Variants in ANO4 observed in about 807,000 individuals in gnomAD.
ANO4 encodes the protein anoctamin-4.
Under a neutral mutation model 141.9 loss-of-function variants are expected in ANO4, and 69 were observed. That is an observed-to-expected ratio of 0.49 (90% CI 0.40 to 0.59). ANO4 has a LOEUF of 0.59. Among genes scored for constraint, ANO4 ranks in the 20% least tolerant of loss-of-function variants. ANO4 has a pLI of 0.00. For synonymous variants in ANO4, 350 were observed against 394.3 expected (o/e 0.89, Z 1.33); for missense variants, 894 against 1,162.2 (o/e 0.77, Z 3.36).
intron 5 of ANO4, among the ~76,000 whole-genome samples, chr12:100,967,710 A>G (rs1474645264): frequency 1.3e-5 from 2 of 152,176 alleles, no homozygotes; most frequent in East Asian, 1.9e-4. Flanking sequence ...ATCACAGTTC[A>G]TTAGTAACTT....
At position 101,086,644 on chromosome 12, in the gene ANO4, C is replaced by T. The variant is rs1593233617; in HGVS notation, c.1537-16C>T. On this transcript the variant is annotated splice_polypyrimidine_tract_variant and intron_variant, in intron 16 of 27. Transcript: ENST00000392977. Reference sequence around the variant, plus strand: ...TTCCACCAAGAGGTTCACCGGGTGTCTTGTCTTCCTGCCAGATCTGCGTGG... The same window carrying T: ...TTCCACCAAGAGGTTCACCGGGTGTTTTGTCTTCCTGCCAGATCTGCGTGG... The T allele has an allele frequency of 6.2e-7, 1 of 1,612,932 alleles. No homozygotes were observed. The highest frequency in any genetic ancestry group is 2.2e-5 in the East Asian group (1 of 44,860).
intron 1 of ANO4, among the ~76,000 whole-genome samples, chr12:100,811,865 A>G (rs528268062): frequency 6.6e-6 from 1 of 152,270 alleles, no homozygotes; most frequent in South Asian, 2.1e-4. Context: ...GACTCCCCTA[A>G]ACCATGGTAG....
intron 1 of ANO4, among the ~76,000 whole-genome samples, chr12:100,823,041 T>C (rs1565907436): frequency 1.3e-5 from 2 of 152,008 alleles, no homozygotes; most frequent in Non-Finnish European, 2.9e-5. Context: ...AAGTGTGTAT[T>C]TCTGAAAAAA....
intron 3 of ANO4, among the ~76,000 whole-genome samples, chr12:100,745,827 A>G (rs2032075938): frequency 6.6e-6 from 1 of 152,256 alleles, no homozygotes; most frequent in African/African-American, 2.4e-5. Flanking sequence ...ATGAGTGCCA[A>G]GTAGAATAAA....
Position 101,097,803 on chromosome 12 carries a change from T to G in ANO4, c.1909-45T>G, listed in dbSNP as rs763063702. On this transcript the variant is annotated intron_variant, in intron 20 of 27. Transcript: ENST00000392977. ...AGATTATAAACCAGACACCCTTTCTTCCTCTCCATTGATTCTGGAATTTCT... is the reference window on the plus strand; with the variant it reads ...AGATTATAAACCAGACACCCTTTCTGCCTCTCCATTGATTCTGGAATTTCT... The G allele has an allele frequency of 3.7e-6, 6 of 1,607,278 alleles. No individual in the cohort carries two copies. The Admixed American group carries it at 5.0e-5, about 13-fold the overall frequency.
chr12:100,915,228 T>C (rs1451085646), intron 2 of ANO4, among the ~76,000 whole-genome samples: 1 of 152,182 alleles, frequency 6.6e-6, no homozygotes, highest in Non-Finnish European at 1.5e-5. Flanking sequence ...ATGGGTTCTT[T>C]GGTGCCTCTT....
At chr12:100,887,853 C>G (rs963289878) in intron 1 of ANO4, among the ~76,000 whole-genome samples, 2 of 152,102 alleles carry the variant, frequency 1.3e-5, no homozygotes, top group Non-Finnish European at 2.9e-5. Context: ...GGAGAATTTC[C>G]TGTTGTGATG....
At chr12:100,731,731 A>G (rs75154074) in intron 1 of ANO4, among the ~76,000 whole-genome samples, 8,000 of 152,290 alleles carry the variant, frequency 0.053, 277 homozygotes, top group Middle Eastern at 0.082. Context: ...AATGTCACAT[A>G]GTTGGAATCA....
intron 1 of ANO4, among the ~76,000 whole-genome samples, chr12:100,837,332 T>C (rs1011705026): frequency 6.6e-6 from 1 of 152,170 alleles, no homozygotes; most frequent in Non-Finnish European, 1.5e-5. Context: ...GAAACCAAGA[T>C]GCAGAGGCTT....
chr12:100,805,833 T>C (rs575574543), intron 1 of ANO4, among the ~76,000 whole-genome samples: 15 of 152,344 alleles, frequency 9.8e-5, no homozygotes, highest in Admixed American at 8.5e-4. Context: ...TGGAATTTAC[T>C]TAGATTTTAA....
At chr12:100,919,342 C>A (rs962341354) in intron 2 of ANO4, among the ~76,000 whole-genome samples, 1 of 152,136 alleles carries the variant, frequency 6.6e-6, no homozygotes, top group African/African-American at 2.4e-5. Flanking sequence ...ACTTTCATTC[C>A]TGCAAGCTCC....
intron 6 of ANO4, among the ~76,000 whole-genome samples, chr12:100,974,354 A>G (rs1264481586): frequency 6.6e-6 from 1 of 151,764 alleles, no homozygotes; most frequent in Non-Finnish European, 1.5e-5. Flanking sequence ...TGAAATACAT[A>G]TATATATATT....
At chr12:100,966,718 C>T (rs1484423968) in intron 5 of ANO4, among the ~76,000 whole-genome samples, 1 of 151,942 alleles carries the variant, frequency 6.6e-6, no homozygotes, top group Non-Finnish European at 1.5e-5. Flanking sequence ...GTCTCTATTT[C>T]CTCTTCTCAA....
intron 8 of ANO4, among the ~76,000 whole-genome samples, chr12:100,988,889 G>A (rs3059291): frequency 0.61 from 47,579 of 77,392 alleles, 11,963 homozygotes; most frequent in African/African-American, 0.66. Flanking sequence ...AAAAAAAAAA[G>A]AAAGAAAAAC....
chr12:101,114,723 C>T (rs17031004), intron 24 of ANO4, among the ~76,000 whole-genome samples: 22,575 of 151,912 alleles, frequency 0.15, 1,695 homozygotes, highest in South Asian at 0.19. Context: ...TCTAGAAAGA[C>T]TCTGCTAAAA....
upstream of ANO4, among the ~76,000 whole-genome samples, chr12:100,791,215 C>T (rs527364844): frequency 6.6e-6 from 1 of 152,132 alleles, no homozygotes; most frequent in African/African-American, 2.4e-5. Flanking sequence ...CCTGTCTCTA[C>T]TACAATACAG....
At chr12:100,779,412 T>C (rs2033642214) in intron 3 of ANO4, among the ~76,000 whole-genome samples, 1 of 152,248 alleles carries the variant, frequency 6.6e-6, no homozygotes, top group South Asian at 2.1e-4. Context: ...GCAAAGGAAC[T>C]GTGTAGGTGG....
At chr12:101,016,195 A>G (rs1282081670) in intron 8 of ANO4, among the ~76,000 whole-genome samples, 1 of 152,170 alleles carries the variant, frequency 6.6e-6, no homozygotes, top group Non-Finnish European at 1.5e-5. Context: ...AACGAGGTCT[A>G]TTTTGGCCAC....
chr12:101,065,700 C>T (rs767610662), intron 14 of ANO4, among the ~76,000 whole-genome samples: 2 of 152,102 alleles, frequency 1.3e-5, no homozygotes, highest in Non-Finnish European at 2.9e-5. Flanking sequence ...GATCTAATAG[C>T]AATCCTACTT....
Sources: allele counts gnomAD v4.1 joint callset (sites outside exome capture counted in the v4.1 genomes callset), GRCh38; gene constraint gnomAD v4.1.1; transcripts MANE v1.5; gene names NCBI Gene and HGNC (gene_info 2026-07-23, HGNC 2026-07-21).